The following HEATR5B variants were observed in gnomAD, a reference collection of about 807,000 sequenced individuals.
HEATR5B encodes the protein HEAT repeat containing 5B.
HEATR5B carries 156 observed loss-of-function variants against 224.1 expected under a neutral mutation model. The observed-to-expected ratio is 0.70, with a 90% CI of 0.61 to 0.80. The LOEUF (loss-of-function observed/expected upper bound fraction) is 0.80. HEATR5B is among the 30% of genes least tolerant of loss of function. The probability of loss-of-function intolerance (pLI) is 0.00; values close to 1 mark genes in which losing one functional copy is unlikely to be tolerated. For synonymous variants in HEATR5B, 1,027 were observed against 893.0 expected (o/e 1.15, Z -2.68); for missense variants, 2,323 against 2,535.5 (o/e 0.92, Z 1.80).
chr2:36,997,094 C>G (rs1267233413), intron 33 of HEATR5B, among the ~76,000 whole-genome samples: 4 of 150,954 alleles, frequency 2.6e-5, no homozygotes, highest in Non-Finnish European at 5.9e-5. Context: ...GATATCAACA[C>G]AGACATAAAT....
chr2:37,075,801 G>T, intron 4 of HEATR5B, 167 bp from the exon 5 acceptor site: 1 of 441,698 alleles, frequency 2.3e-6, no homozygotes. Context: ...TACCTGGCAA[G>T]TAAGAATAGT....
chr2:37,082,086 T>TCTTC (rs1553329859), intron 2 of HEATR5B, among the ~76,000 whole-genome samples: 1 of 56,036 alleles, frequency 1.8e-5, no homozygotes, highest in African/African-American at 5.7e-5. Flanking sequence ...TTTTTTTTTT[T>TCTTC]CAGATGGAGT....
chr2:37,067,959 T>C (rs1446691446), intron 8 of HEATR5B, among the ~76,000 whole-genome samples: 1 of 152,184 alleles, frequency 6.6e-6, no homozygotes, highest in Non-Finnish European at 1.5e-5. Flanking sequence ...TTAGTCAATA[T>C]AATTTCCCTT....
chr2:37,039,393 G>A (rs942501853), intron 20 of HEATR5B, among the ~76,000 whole-genome samples: 1 of 151,856 alleles, frequency 6.6e-6, no homozygotes, highest in African/African-American at 2.4e-5. Context: ...TTGAACTCAG[G>A]AAGCAGAGGT....
intron 20 of HEATR5B, among the ~76,000 whole-genome samples, chr2:37,038,613 A>C (rs779856209): frequency 6.6e-6 from 1 of 152,226 alleles, no homozygotes; most frequent in Non-Finnish European, 1.5e-5. Flanking sequence ...ATTCACAGGA[A>C]GAACTATCCT....
At chr2:37,064,288 T>G (rs1671457233) in intron 10 of HEATR5B, among the ~76,000 whole-genome samples, 1 of 149,484 alleles carries the variant, frequency 6.7e-6, no homozygotes, top group East Asian at 2.0e-4. Flanking sequence ...GGTTTTTTTT[T>G]TTTTTTTTTT....
At chr2:36,988,263 T>C (rs1339252672) in intron 35 of HEATR5B, among the ~76,000 whole-genome samples, 2 of 151,964 alleles carry the variant, frequency 1.3e-5, no homozygotes, top group East Asian at 1.9e-4. Context: ...CCTGGTTTTT[T>C]TTCTTTTCTT....
At chr2:37,015,799 G>T (rs1262952522) in intron 26 of HEATR5B, among the ~76,000 whole-genome samples, 1 of 152,158 alleles carries the variant, frequency 6.6e-6, no homozygotes, top group Non-Finnish European at 1.5e-5. Context: ...TGGATTTCAG[G>T]AGCAAGTTCA....
At chr2:37,083,194 T>G in intron 2 of HEATR5B, 95 bp downstream of exon 2, 1 of 1,437,400 alleles carries the variant, frequency 7.0e-7, no homozygotes, top group Non-Finnish European at 9.8e-7. Flanking sequence ...AAGTGACCCA[T>G]AAACCTTCCA....
Position 37,068,851 on chromosome 2 carries a change from T to C in HEATR5B, c.1007A>G (p.Asp336Gly), listed in dbSNP as rs781546017. ...SFATFLSHVL[D>G]LVSHPRATQT... ...TGTTGCCCGAGGATGGGAAACCAGATCAAGTACATGGGACAGGAACGTGGC... is the reference window on the plus strand; with the variant it reads ...TGTTGCCCGAGGATGGGAAACCAGACCAAGTACATGGGACAGGAACGTGGC... The change falls in exon 8 of 36, where the codon GAT becomes GGT. Residue 336 changes from aspartate (D) to glycine (G), a missense_variant. Physicochemically the swap from Asp to Gly is moderately conservative, Grantham distance 94 (BLOSUM62 -1). Around this residue, in one of 12 missense-constraint regions of HEATR5B, gnomAD observed 502 missense variants for 517.8 expected, o/e 0.97. Transcript: ENST00000233099. 1.9e-6 allele frequency: 3 copies of C among 1,614,044 alleles called. No homozygotes were observed. The highest frequency in any genetic ancestry group is 2.5e-6 in the Non-Finnish European group (3 of 1,180,006).
At chr2:37,029,860 ACC>A (rs1669008911) in intron 22 of HEATR5B, among the ~76,000 whole-genome samples, 1 of 151,890 alleles carries the variant, frequency 6.6e-6, no homozygotes, top group African/African-American at 2.4e-5. Flanking sequence ...AATGGCTTGA[ACC>A]TGGGAGGCGG....
intron 21 of HEATR5B, among the ~76,000 whole-genome samples, chr2:37,036,208 C>T (rs1669465585): frequency 6.6e-6 from 1 of 152,126 alleles, no homozygotes; most frequent in Non-Finnish European, 1.5e-5. Flanking sequence ...CAGAGAACAC[C>T]TTCTAATGGT....
chr2:37,082,108 C>T (rs1271000832), intron 2 of HEATR5B, among the ~76,000 whole-genome samples: 1 of 107,370 alleles, frequency 9.3e-6, no homozygotes, highest in Non-Finnish European at 1.7e-5. Context: ...TCACTCTTGT[C>T]CCCCGGGCTG....
intron 8 of HEATR5B, 61 bp from the exon 9 acceptor site, chr2:37,065,971 G>C: frequency 2.0e-6 from 3 of 1,496,924 alleles, no homozygotes; most frequent in Non-Finnish European, 2.7e-6. Flanking sequence ...GATTTTTTTG[G>C]TCTATACAAT....
chr2:37,014,967 T>A (rs774569648), intron 26 of HEATR5B, among the ~76,000 whole-genome samples: 9 of 151,610 alleles, frequency 5.9e-5, no homozygotes, highest in Non-Finnish European at 1.0e-4. Context: ...GGGCGAGACT[T>A]TGTCTCAAAA....
chr2:37,062,057 GAA>G lies in HEATR5B; in HGVS notation c.1585-9_1585-8del. On this transcript the variant is annotated splice_polypyrimidine_tract_variant and splice_region_variant and intron_variant, in intron 10 of 35. Coordinates refer to ENST00000233099, the MANE Select transcript of HEATR5B (RefSeq NM_019024.3). ...CAGCAATACTAACTACCATCTGCAA[GAA>G]AAGTTTAGAATTGGATTTTAATTCA... 6.7e-7 allele frequency: 1 copy of G among 1,490,998 alleles called. No homozygotes were observed. The highest frequency in any genetic ancestry group is 9.4e-7 in the Non-Finnish European group (1 of 1,068,442). The allele number at this position is 1,490,998 out of a possible 1,614,324, so 92.4% of individuals were successfully genotyped here. A position where few individuals can be genotyped will look rare whatever the true frequency, so the allele number is the denominator to read the frequency against.
At position 37,053,627 on chromosome 2, in the gene HEATR5B, A is replaced by G. The variant is rs1019838462; in HGVS notation, c.2400-20T>C. On this transcript the variant is annotated intron_variant, in intron 16 of 35. Transcript: ENST00000233099. ...TGTAATCTATAACAATAAGAAAAAA[A>G]AATCACATTAGTGACAAATTTTATT... 17 of 1,488,274 alleles carry G rather than the reference A, an allele frequency of 1.1e-5. No individual in the cohort carries two copies. Among genetic ancestry groups the G allele is most frequent in the Non-Finnish European group, 1.5e-5 (16 of 1,078,246 alleles). The allele number at this position is 1,488,274 out of a possible 1,614,324, so 92.2% of individuals were successfully genotyped here.
Position 37,040,331 on chromosome 2 carries a change from T to G in HEATR5B, c.3044A>C (p.Gln1015Pro). The part of the protein sequence containing the change: ...AIITTVGPEL[Q>P]GNGATTSTIR... Reference sequence around the variant, plus strand: ...TTAATTTCAGATGATTTACTTACCTTGTAGTTCAGGGCCAACAGTAGTTAT... The same window carrying G: ...TTAATTTCAGATGATTTACTTACCTGGTAGTTCAGGGCCAACAGTAGTTAT... The change falls in exon 20 of 36, where the codon CAA becomes CCA. Residue 1015 changes from glutamine (Q) to proline (P), a missense_variant and splice_region_variant. By Grantham distance (76) the Gln-to-Pro change is moderately conservative (BLOSUM62 -1). Transcript: ENST00000233099. 1 of 1,610,906 alleles carries G rather than the reference T, an allele frequency of 6.2e-7. No individual in the cohort carries two copies. Among genetic ancestry groups the G allele is most frequent in the South Asian group, 1.1e-5 (1 of 90,358 alleles).
At position 37,059,203 on chromosome 2, in the gene HEATR5B, G is replaced by A. The variant is rs79018826; in HGVS notation, c.1850-216C>T. ...AGGTGGATAGAAAAATGGAGGAAGA[G>A]AAGGTACTGGTTAGAGAGATTCTTC... On this transcript the variant is annotated intron_variant, in intron 12 of 35. Coordinates refer to ENST00000233099, the MANE Select transcript of HEATR5B (RefSeq NM_019024.3). Among the ~76,000 whole-genome samples, 910 of 151,584 alleles carry A rather than the reference G, an allele frequency of 6.0e-3. 6 individuals are homozygous for A. Among genetic ancestry groups the A allele is most frequent in the African/African-American group, 0.016 (659 of 41,366 alleles).
Sources: gnomAD v4.1 joint callset for allele counts (sites outside exome capture counted in the v4.1 genomes callset) on GRCh38, gnomAD v4.1.1 for gene constraint, gnomAD v4.1.1 regional missense constraint, MANE v1.5 for transcripts, NCBI Gene and HGNC (gene_info 2026-07-23, HGNC 2026-07-21) for gene names.